The following TMEM45B variants were observed in gnomAD, a reference collection of about 807,000 sequenced individuals.
The protein encoded by TMEM45B is transmembrane protein 45B.
A neutral mutation model predicts 27.3 loss-of-function variants in TMEM45B; 29 were observed. That is an observed-to-expected ratio of 1.06 (90% CI 0.79 to 1.45). TMEM45B has a LOEUF of 1.45. Among genes scored for constraint, TMEM45B ranks in the 40% most tolerant of loss-of-function variants. The pLI is 0.00. For synonymous variants in TMEM45B, 143 were observed against 134.7 expected, an observed-to-expected ratio of 1.06 and a Z score of -0.43; for missense variants, 348 against 343.9, an observed-to-expected ratio of 1.01 and a Z score of -0.09.
At chr11:129,822,540 T>C (rs1025509668) in intron 1 of TMEM45B, among the ~76,000 whole-genome samples, 2 of 152,206 alleles carry the variant, frequency 1.3e-5, no homozygotes, top group African/African-American at 4.8e-5. Flanking sequence ...AAGATCTCAT[T>C]TCTAGCCATT....
At chr11:129,834,665 G>A (rs981664860) in intron 1 of TMEM45B, among the ~76,000 whole-genome samples, 28 of 150,428 alleles carry the variant, frequency 1.9e-4, no homozygotes, top group Non-Finnish European at 3.1e-4. Flanking sequence ...ACAAAAATTA[G>A]CCAGGTGTGG....
At chr11:129,847,261 C>T (rs752258330) in intron 1 of TMEM45B, among the ~76,000 whole-genome samples, 1 of 152,140 alleles carries the variant, frequency 6.6e-6, no homozygotes, top group East Asian at 1.9e-4. Flanking sequence ...GAGGTAAATA[C>T]CGGAGGAAAC....
At chr11:129,823,417 C>T (rs1947444047) in intron 1 of TMEM45B, among the ~76,000 whole-genome samples, 1 of 152,156 alleles carries the variant, frequency 6.6e-6, no homozygotes, top group Non-Finnish European at 1.5e-5. Flanking sequence ...GTTAGCTTTT[C>T]CTTCTTAGGC....
chr11:129,826,896 AT>A (rs1365802033), intron 1 of TMEM45B: 2 of 151,312 alleles, frequency 1.3e-5, no homozygotes, highest in African/African-American at 4.8e-5. Context: ...TTTAGTAGAG[AT>A]GGGGTTTCAC....
In TMEM45B at chr11:129,859,554, A is replaced by C. The variant is rs1330445221; in HGVS notation, c.*869A>C. The C allele has an allele frequency of 2.0e-5, 3 of 152,052 alleles. No individual in the cohort carries two copies. 9.4% of individuals were successfully genotyped at this position (152,052 alleles called of 1,614,324 possible). ...TTCTTTTTTTAAAAAAACTTCCTTC[A>C]CCGCGCCTATAATCCTAGCACTTTG... On this transcript the variant is annotated 3_prime_UTR_variant, in exon 6 of 6. Transcript: ENST00000281441.
chr11:129,847,417 A>ATTTTATTTT (rs1565370741), intron 1 of TMEM45B, among the ~76,000 whole-genome samples: 2 of 140,300 alleles, frequency 1.4e-5, no homozygotes, highest in East Asian at 2.1e-4. Context: ...ATTTTTTTTT[A>ATTTTATTTT]TTTTTTTTTA....
Position 129,854,755 on chromosome 11 carries a change from G to T in TMEM45B, c.324G>T (p.Leu108=). 6.2e-7 allele frequency: 1 copy of T among 1,614,174 alleles called. No homozygotes were observed. The highest frequency in any genetic ancestry group is 8.5e-7 in the Non-Finnish European group (1 of 1,180,028). The change falls in exon 3 of 6, where the codon CTG becomes CTT. Residue 108 remains leucine (L), a synonymous_variant. Transcript: ENST00000281441. ...GAATTGTTGACATGCTCACCTATCTGGTCAGCCACGTTCCCTTGGGGGTGG... is the reference window on the plus strand; with the variant it reads ...GAATTGTTGACATGCTCACCTATCTTGTCAGCCACGTTCCCTTGGGGGTGG... ...VSGIVDMLTY[L]VSHVPLGVDR...
chr11:129,832,419 G>A (rs1947560984), intron 1 of TMEM45B, among the ~76,000 whole-genome samples: 1 of 152,154 alleles, frequency 6.6e-6, no homozygotes. Context: ...TACCATGGAT[G>A]AATCTTGAAA....
At chr11:129,838,533 A>G (rs1384758791) in intron 1 of TMEM45B, among the ~76,000 whole-genome samples, 3 of 152,124 alleles carry the variant, frequency 2.0e-5, no homozygotes, top group Admixed American at 6.5e-5. Context: ...CCAACATCTC[A>G]TGAAAAACCT....
chr11:129,856,704 C>G (rs796683604), intron 4 of TMEM45B, among the ~76,000 whole-genome samples: 1 of 147,676 alleles, frequency 6.8e-6, no homozygotes, highest in African/African-American at 2.5e-5. Context: ...GGACTACAGG[C>G]GCCCGCCACC....
chr11:129,857,581 G>A (rs1047864541), intron 5 of TMEM45B, 123 bp downstream of exon 5: 5 of 1,105,784 alleles, frequency 4.5e-6, no homozygotes, highest in Middle Eastern at 2.2e-4. Flanking sequence ...TCTCATGCAG[G>A]GAAGGTATCA....
intron 1 of TMEM45B, among the ~76,000 whole-genome samples, chr11:129,816,732 CTTTTT>C (rs869217352): frequency 5.0e-5 from 4 of 79,746 alleles, no homozygotes; most frequent in Non-Finnish European, 6.7e-5. Flanking sequence ...ATGGCCACTT[CTTTTT>C]TTTTTTTTTT....
At chr11:129,852,890 C>T (rs549776276) in intron 2 of TMEM45B, 206 of 384,500 alleles carry the variant, frequency 5.4e-4, no homozygotes, top group Non-Finnish European at 8.6e-4. Flanking sequence ...CTCAAATCAA[C>T]AAGGACACAG....
chr11:129,816,913 ATTT>A (rs35094646), intron 1 of TMEM45B, among the ~76,000 whole-genome samples: 2 of 135,662 alleles, frequency 1.5e-5, no homozygotes. Flanking sequence ...AATTTTTTGT[ATTT>A]TTTTTTTTTT....
At chr11:129,838,132 G>A (rs556528621) in intron 1 of TMEM45B, among the ~76,000 whole-genome samples, 26 of 152,236 alleles carry the variant, frequency 1.7e-4, no homozygotes, top group African/African-American at 6.0e-4. Context: ...GGAGTTAAGT[G>A]GGATTTAAAT....
chr11:129,840,039 A>C (rs1947670700), intron 1 of TMEM45B, among the ~76,000 whole-genome samples: 1 of 152,164 alleles, frequency 6.6e-6, no homozygotes, highest in African/African-American at 2.4e-5. Context: ...GGGTTATCCA[A>C]ATTATTTAGA....
At chr11:129,844,944 G>A (rs377620611) in intron 1 of TMEM45B, among the ~76,000 whole-genome samples, 11 of 152,122 alleles carry the variant, frequency 7.2e-5, no homozygotes, top group African/African-American at 1.7e-4. Context: ...CCTTCAGGTC[G>A]AAAGAAAATG....
intron 1 of TMEM45B, among the ~76,000 whole-genome samples, chr11:129,845,293 G>C (rs918171343): frequency 6.2e-5 from 9 of 145,418 alleles, no homozygotes; most frequent in Non-Finnish European, 9.0e-5. Flanking sequence ...GTGTGTGTGT[G>C]TGTGTATGCA....
intron 2 of TMEM45B, among the ~76,000 whole-genome samples, chr11:129,853,353 A>G (rs55900082): frequency 0.16 from 24,067 of 152,250 alleles, 2,020 homozygotes; most frequent in South Asian, 0.27. Flanking sequence ...TTAATCTGCA[A>G]CTGACAATTA....
Sources: gnomAD v4.1 joint callset for allele counts (sites outside exome capture counted in the v4.1 genomes callset) on GRCh38, gnomAD v4.1.1 for gene constraint, MANE v1.5 for transcripts, NCBI Gene and HGNC (gene_info 2026-07-23, HGNC 2026-07-21) for gene names.